Variants in PRKG1 observed in about 807,000 individuals in gnomAD.
PRKG1 encodes the protein protein kinase cGMP-dependent 1.
In PRKG1, 35 loss-of-function variants were observed where a neutral mutation model predicts 88.1. That is an observed-to-expected ratio of 0.40 (90% CI 0.30 to 0.53). The LOEUF (loss-of-function observed/expected upper bound fraction) is 0.53. PRKG1 is among the 20% of genes least tolerant of loss of function. PRKG1 has a pLI of 0.59. For missense variants in PRKG1, 540 were observed against 839.8 expected (o/e 0.64, Z 4.41); for synonymous variants, 303 against 292.5 (o/e 1.04, Z -0.37).
chr10:51,077,016 CT>C (rs1420153923), intron 1 of PRKG1, among the ~76,000 whole-genome samples: 4 of 152,036 alleles, frequency 2.6e-5, no homozygotes, highest in Non-Finnish European at 5.9e-5. Context: ...AACATCTGTT[CT>C]TTTTTCACAC....
intron 2 of PRKG1, among the ~76,000 whole-genome samples, chr10:51,342,467 T>A (rs1842023694): frequency 6.6e-6 from 1 of 152,152 alleles, no homozygotes; most frequent in Non-Finnish European, 1.5e-5. Context: ...AAACAAGAAC[T>A]ATTTTTAAGT....
At chr10:52,015,869 T>A (rs1845027139) in intron 5 of PRKG1, among the ~76,000 whole-genome samples, 1 of 152,314 alleles carries the variant, frequency 6.6e-6, no homozygotes, top group East Asian at 1.9e-4. Flanking sequence ...GCTGCCAGTG[T>A]CTTTGCTAAA....
chr10:52,248,391 C>G (rs1373342465), intron 9 of PRKG1, among the ~76,000 whole-genome samples: 1 of 152,144 alleles, frequency 6.6e-6, no homozygotes, highest in African/African-American at 2.4e-5. Flanking sequence ...GGTTACTTTT[C>G]TATATTATTT....
At chr10:52,069,851 G>A (rs1211198848) in intron 7 of PRKG1, among the ~76,000 whole-genome samples, 3 of 151,438 alleles carry the variant, frequency 2.0e-5, no homozygotes. Flanking sequence ...TTCATTCTCG[G>A]TCAATATATT....
At chr10:51,069,554 C>T (rs1196154862), upstream of PRKG1, among the ~76,000 whole-genome samples, 1 of 151,850 alleles carries the variant, frequency 6.6e-6, no homozygotes, top group Non-Finnish European at 1.5e-5. Context: ...CTGACTCATC[C>T]CCCTTTATAG....
At chr10:51,623,821 G>A (rs539032468) in intron 3 of PRKG1, among the ~76,000 whole-genome samples, 9 of 151,936 alleles carry the variant, frequency 5.9e-5, no homozygotes, top group Non-Finnish European at 1.3e-4. Flanking sequence ...TTATCCTCAC[G>A]CCCTGAAGCT....
intron 2 of PRKG1, chr10:51,299,441 G>C: frequency 4.8e-6 from 2 of 419,834 alleles, no homozygotes; most frequent in South Asian, 3.4e-5. Flanking sequence ...CCTGATCTCA[G>C]GTGATCCACC....
At chr10:51,921,075 A>G (rs926659648) in intron 5 of PRKG1, among the ~76,000 whole-genome samples, 1 of 152,084 alleles carries the variant, frequency 6.6e-6, no homozygotes, top group Non-Finnish European at 1.5e-5. Context: ...AAAATGTCAT[A>G]TATCCATCAT....
chr10:51,966,336 T>C (rs1843566481), intron 5 of PRKG1, among the ~76,000 whole-genome samples: 1 of 152,180 alleles, frequency 6.6e-6, no homozygotes, highest in African/African-American at 2.4e-5. Flanking sequence ...TAACCTTTAA[T>C]AATTCCTTTC....
At position 51,162,986 on chromosome 10, in the gene PRKG1, T is replaced by G. The variant is rs552798181; in HGVS notation, c.478+9656T>G. On this transcript the variant is annotated intron_variant, in intron 2 of 17. Transcript: ENST00000373980. ...CCCTTGCCTCAGGCTCTCAAACTTT[T>G]GGGATTACAGAAATGATCCACCAAG... 2.5e-3 allele frequency among the ~76,000 whole-genome samples: 383 copies of G among 152,226 alleles called. 2 individuals are homozygous for G. The highest frequency in any genetic ancestry group is 8.9e-3 in the African/African-American group (368 of 41,534).
intron 2 of PRKG1, among the ~76,000 whole-genome samples, chr10:51,379,545 T>C (rs1842879552): frequency 6.6e-6 from 1 of 152,250 alleles, no homozygotes; most frequent in South Asian, 2.1e-4. Context: ...TCCCTCTTAA[T>C]AATTCCATTG....
chr10:51,769,593 A>T (rs1838251101), intron 3 of PRKG1, among the ~76,000 whole-genome samples: 1 of 152,206 alleles, frequency 6.6e-6, no homozygotes, highest in African/African-American at 2.4e-5. Context: ...GTTATGACAT[A>T]TTAAGCCTAT....
chr10:51,020,524 T>C (rs4558117), intron 1 of PRKG1, among the ~76,000 whole-genome samples: 136,711 of 152,268 alleles, frequency 0.9, 61,559 homozygotes, highest in African/African-American at 0.97. Context: ...GGTGTGTCTG[T>C]TATAATGTCT....
At chr10:51,932,997 G>T (rs577950397) in intron 5 of PRKG1, among the ~76,000 whole-genome samples, 17 of 152,164 alleles carry the variant, frequency 1.1e-4, no homozygotes, top group African/African-American at 4.1e-4. Flanking sequence ...ATACATTTTT[G>T]AAATTTGTAG....
intron 9 of PRKG1, among the ~76,000 whole-genome samples, chr10:52,179,136 C>T (rs1267072623): frequency 1.3e-5 from 2 of 151,860 alleles, no homozygotes; most frequent in Non-Finnish European, 2.9e-5. Flanking sequence ...GTGGTGATAA[C>T]ATTTGATTCA....
At chr10:52,273,647 C>T (rs894074151) in intron 12 of PRKG1, among the ~76,000 whole-genome samples, 1 of 151,898 alleles carries the variant, frequency 6.6e-6, no homozygotes, top group African/African-American at 2.4e-5. Flanking sequence ...TTTCTTGTTA[C>T]CACATTGTAT....
chr10:51,365,949 A>T (rs1227089842), intron 2 of PRKG1, among the ~76,000 whole-genome samples: 1 of 151,756 alleles, frequency 6.6e-6, no homozygotes, highest in African/African-American at 2.4e-5. Context: ...GAGACTAAAT[A>T]AAAAAAATTG....
intron 4 of PRKG1, among the ~76,000 whole-genome samples, chr10:51,839,994 A>G (rs1039110545): frequency 2.0e-5 from 3 of 152,204 alleles, no homozygotes; most frequent in Non-Finnish European, 4.4e-5. Context: ...TTTTCCTCCC[A>G]GGCATTTCAA....
chr10:51,174,455 A>G (rs573367909), intron 2 of PRKG1, among the ~76,000 whole-genome samples: 4 of 152,178 alleles, frequency 2.6e-5, no homozygotes, highest in African/African-American at 2.4e-5. Flanking sequence ...TTTTCATTAT[A>G]TCAGTCTCAA....
Sources: allele counts gnomAD v4.1 joint callset (sites outside exome capture counted in the v4.1 genomes callset), GRCh38; gene constraint gnomAD v4.1.1; transcripts MANE v1.5; gene names NCBI Gene and HGNC (gene_info 2026-07-23, HGNC 2026-07-21).